TNK2: variants seen among roughly 807,000 people sequenced by gnomAD.
The protein encoded by TNK2 is tyrosine kinase non receptor 2.
Under a neutral mutation model 101.8 loss-of-function variants are expected in TNK2, and 83 were observed. The ratio of observed to expected loss-of-function variants is 0.82; its 90% CI spans 0.68 to 0.98. TNK2 has a LOEUF of 0.98. TNK2 is among the 50% of genes least tolerant of loss of function. The pLI, the probability that TNK2 is intolerant of heterozygous loss-of-function variation, is 0.00. For synonymous variants in TNK2, 804 were observed against 633.0 expected, an observed-to-expected ratio of 1.27 and a Z score of -4.06; for missense variants, 1,665 against 1,483.2, an observed-to-expected ratio of 1.12 and a Z score of -2.01.
intron 9 of TNK2, among the ~76,000 whole-genome samples, chr3:195,876,005 G>A (rs1300697157): frequency 6.6e-6 from 1 of 152,130 alleles, no homozygotes; most frequent in Non-Finnish European, 1.5e-5. Context: ...TCTCCCTAGG[G>A]GTCCCAGGCG....
chr3:195,899,012 C>T (rs1292647065), intron 1 of TNK2, among the ~76,000 whole-genome samples: 10 of 152,044 alleles, frequency 6.6e-5, no homozygotes, highest in African/African-American at 2.2e-4. Flanking sequence ...AGGAGAATGG[C>T]GTGAACCCGG....
intron 1 of TNK2, chr3:195,895,162 A>G: frequency 1.5e-6 from 2 of 1,319,508 alleles, no homozygotes; most frequent in Non-Finnish European, 2.0e-6. Context: ...AGGCCGCCGC[A>G]GGGGGCAGGG....
chr3:195,869,023 C>G lies in TNK2; in HGVS notation c.1589-314G>C, dbSNP rs1742906226. 5 of 474,526 alleles carry G rather than the reference C, an allele frequency of 1.1e-5. No individual in the cohort carries two copies. In the South Asian group the frequency reaches 1.6e-4, roughly 15 times the overall value. The allele number at this position is 474,526 out of a possible 1,614,324, so 29.4% of individuals were successfully genotyped here. A position where few individuals can be genotyped will look rare whatever the true frequency, so the allele number is the denominator to read the frequency against. ...CCACCAGCACAAGACCCCGGCGGCC[C>G]TGCTCCTGCGCCCTGGCGAGTTAGT... is the stretch of plus-strand genomic sequence containing the variant. On this transcript the variant is annotated intron_variant, in intron 12 of 15. Transcript: ENST00000672887.
intron 9 of TNK2, among the ~76,000 whole-genome samples, chr3:195,874,183 G>A (rs933328647): frequency 6.6e-5 from 10 of 152,234 alleles, no homozygotes; most frequent in African/African-American, 2.4e-4. Context: ...CCTCTTCAGA[G>A]GCGCTCAGTA....
chr3:195,895,318 G>T (rs751111917), intron 1 of TNK2: 7 of 1,578,070 alleles, frequency 4.4e-6, no homozygotes, highest in Non-Finnish European at 6.0e-6. Flanking sequence ...AAATCCCAGC[G>T]GCTGCGGTCA....
In TNK2 at chr3:195,867,529, G is replaced by A. The variant is rs751856186; in HGVS notation, c.2769C>T (p.Thr923=). The change falls in exon 13 of 16, where the codon ACC becomes ACT. Residue 923 remains threonine, a synonymous_variant. Coordinates refer to ENST00000672887, the MANE Select transcript of TNK2 (RefSeq NM_001382273.1). Reference sequence around the variant, plus strand: ...AGGCAGCCTGGGGCATCGGCCGCACGGTGGCCGTGGGGGCGGCGGGGGCTG... The same window carrying A: ...AGGCAGCCTGGGGCATCGGCCGCACAGTGGCCGTGGGGGCGGCGGGGGCTG... ...STPAPAAPTA[T]VRPMPQAALD... 4.2e-5 allele frequency: 65 copies of A among 1,542,892 alleles called. No individual in the cohort carries two copies. The highest frequency in any genetic ancestry group is 9.6e-5 in the Admixed American group (5 of 51,986).
intron 1 of TNK2, among the ~76,000 whole-genome samples, chr3:195,902,435 T>C (rs1761297703): frequency 6.6e-6 from 1 of 152,012 alleles, no homozygotes; most frequent in Non-Finnish European, 1.5e-5. Flanking sequence ...CTGGCCAACA[T>C]GGTGAAACCC....
chr3:195,869,380 C>A, intron 12 of TNK2, 117 bp downstream of exon 12: 2 of 1,063,990 alleles, frequency 1.9e-6, no homozygotes, highest in South Asian at 1.4e-5. Context: ...AAGCTCACAG[C>A]ACACACCCAC....
chr3:195,875,781 C>T (rs1748814157), intron 9 of TNK2, among the ~76,000 whole-genome samples: 1 of 152,174 alleles, frequency 6.6e-6, no homozygotes. Flanking sequence ...AAGGGCCCAA[C>T]ACCTCCGCAT....
In TNK2 at chr3:195,878,163, T is replaced by C. The variant is rs1215363700; in HGVS notation, c.1256+90A>G. 1 of 1,388,700 alleles carries C rather than the reference T, an allele frequency of 7.2e-7. No homozygotes were observed. The highest frequency in any genetic ancestry group is 1.4e-5 in the African/African-American group (1 of 70,422). 86.0% of individuals were successfully genotyped at this position (1,388,700 alleles called of 1,614,324 possible). On this transcript the variant is annotated intron_variant, in intron 9 of 15. Transcript: ENST00000672887. This position sits in a 1 kb window ranked among gnomAD's most constrained non-coding sequence, Gnocchi z 4.7. The stretch of plus-strand genomic sequence containing the variant: ...GCCAGCCTGTATGTGGCCAAGGGAA[T>C]CTTGGAGGCCAAACAGATCTGTCCA...
Position 195,867,832 on chromosome 3 carries a change from G to A in TNK2, c.2466C>T (p.Leu822=). The A allele has an allele frequency of 6.5e-7, 1 of 1,538,944 alleles. No homozygotes were observed. The highest frequency in any genetic ancestry group is 8.7e-7 in the Non-Finnish European group (1 of 1,147,356). The change falls in exon 13 of 16, where the codon CTC becomes CTT. Residue 822 remains leucine, a synonymous_variant. Transcript: ENST00000672887. ...PPGSSPLPPR[L]SSSPGKTMPT... Reference sequence around the variant, plus strand: ...GCATGGTCTTCCCAGGTGAGCTTGAGAGCCGGGGTGGCAGCGGGGAGCTGC... The same window carrying A: ...GCATGGTCTTCCCAGGTGAGCTTGAAAGCCGGGGTGGCAGCGGGGAGCTGC...
intron 10 of TNK2, chr3:195,870,494 C>T (rs1744349423): frequency 6.1e-6 from 6 of 990,392 alleles, no homozygotes; most frequent in Admixed American, 5.6e-5. Flanking sequence ...CCCAGGCCCC[C>T]AGCCCACACC....
intron 1 of TNK2, among the ~76,000 whole-genome samples, chr3:195,893,738 CCT>C (rs1483501793): frequency 2.6e-5 from 4 of 152,058 alleles, no homozygotes; most frequent in Admixed American, 6.5e-5. Context: ...CTAGGGAGCC[CCT>C]GTTTCTTGCA....
At position 195,895,659 on chromosome 3, in the gene TNK2, C is replaced by T. The variant is rs1760280731; in HGVS notation, c.-18-7053G>A. 1.4e-5 allele frequency: 17 copies of T among 1,227,920 alleles called. No homozygotes were observed. The South Asian group carries it at 4.5e-4, about 32-fold the overall frequency. The allele number at this position is 1,227,920 out of a possible 1,614,324, so 76.1% of individuals were successfully genotyped here. On this transcript the variant is annotated intron_variant, in intron 1 of 15. Transcript: ENST00000672887. ...GCTCTGCCTTCGCCGGCCGCGGAAC[C>T]GGGCTCCACTCAGCCCTCAGCCCGC...
intron 10 of TNK2, chr3:195,870,469 G>A: frequency 8.1e-7 from 1 of 1,232,924 alleles, no homozygotes; most frequent in South Asian, 1.3e-5. Flanking sequence ...GGGCAGAGGT[G>A]GTCCTCCACA....
rs1247280123 is a variant in TNK2 at position 195,887,114 on chromosome 3, G to A, written c.164-67C>T. 3.2e-6 allele frequency: 5 copies of A among 1,544,866 alleles called. No homozygotes were observed. In the East Asian group the frequency reaches 1.1e-4, roughly 35 times the overall value. ...TAGCCCGAGAGAGGCTGCTGCCTGT[G>A]GTCCCCTTGGGGGTGAGCCTGTCAC... On this transcript the variant is annotated intron_variant, in intron 2 of 15. Coordinates refer to ENST00000672887, the MANE Select transcript of TNK2 (RefSeq NM_001382273.1).
chr3:195,892,449 A>AG, intron 1 of TNK2: 1 of 1,535,380 alleles, frequency 6.5e-7, no homozygotes. Flanking sequence ...AGGAGAGGGA[A>AG]GGAGAGCTCC....
chr3:195,881,645 C>A (rs1158250288), intron 6 of TNK2, among the ~76,000 whole-genome samples: 1 of 82,624 alleles, frequency 1.2e-5, no homozygotes, highest in African/African-American at 6.0e-5. Flanking sequence ...ACCCCCCCCC[C>A]AGCAACGCCC....
Position 195,885,281 on chromosome 3 carries a change from C to A in TNK2, c.235-248G>T. ...CAGAAAGAGACCGACAGGCATGCAG[C>A]CTGTGGCTGAGCGGCCCCACACCCA... On this transcript the variant is annotated intron_variant, in intron 3 of 15. Coordinates refer to ENST00000672887, the MANE Select transcript of TNK2 (RefSeq NM_001382273.1). This position sits in a 1 kb window ranked among gnomAD's most constrained non-coding sequence, Gnocchi z 4.7. The A allele has an allele frequency of 5.6e-6, 7 of 1,247,044 alleles. No homozygotes were observed. Among genetic ancestry groups the A allele is most frequent in the Non-Finnish European group, 7.5e-6 (7 of 930,948 alleles). The allele number at this position is 1,247,044 out of a possible 1,614,324, so 77.2% of individuals were successfully genotyped here.
Sources: allele counts gnomAD v4.1 joint callset (sites outside exome capture counted in the v4.1 genomes callset), GRCh38; gene constraint gnomAD v4.1.1; non-coding constraint Gnocchi (gnomAD v3.1); transcripts MANE v1.5; gene names NCBI Gene and HGNC (gene_info 2026-07-23, HGNC 2026-07-21).